The following RTL4 variants were observed in gnomAD, a reference collection of about 807,000 sequenced individuals.
RTL4 encodes the protein retrotransposon Gag like 4, also known as retrotransposon Gag-like protein 4.
In RTL4, 4 loss-of-function variants were observed where a neutral mutation model predicts 5.3. The observed-to-expected ratio is 0.75, with a 90% CI of 0.37 to 1.72. The LOEUF (loss-of-function observed/expected upper bound fraction) is 1.72, where lower values mean the gene tolerates loss of function less well. RTL4 is among the 40% of genes most tolerant of loss of function. The probability of loss-of-function intolerance (pLI) is 0.04; values close to 1 mark genes in which losing one functional copy is unlikely to be tolerated. For synonymous variants in RTL4, 98 were observed against 87.3 expected (o/e 1.12, Z -0.68); for missense variants, 260 against 227.1 (o/e 1.14, Z -0.93).
chrX:112,133,551 T>C, the RTL4 span, among the ~76,000 whole-genome samples: 10 of 111,415 alleles, frequency 9.0e-5, no homozygotes, highest in Non-Finnish European at 1.9e-4. Flanking sequence ...TCCATGCAGT[T>C]TGAAAACAGT....
the RTL4 span, among the ~76,000 whole-genome samples, chrX:112,314,226 G>A: frequency 9.0e-6 from 1 of 111,721 alleles, no homozygotes; most frequent in Non-Finnish European, 1.9e-5. Flanking sequence ...AAAACCCACC[G>A]TTCAGCACAT....
At chrX:112,276,263 T>C in the RTL4 span, among the ~76,000 whole-genome samples, 5,982 of 111,572 alleles carry the variant, frequency 0.054, 385 homozygotes, top group African/African-American at 0.19. Flanking sequence ...GAACAAGAGA[T>C]TGATGTTGAA....
the RTL4 span, among the ~76,000 whole-genome samples, chrX:112,208,594 G>A: frequency 8.9e-6 from 1 of 112,054 alleles, no homozygotes; most frequent in Non-Finnish European, 1.9e-5. Flanking sequence ...AATTAAGCTG[G>A]CATTCTAATC....
chrX:112,214,296 A>G, the RTL4 span, among the ~76,000 whole-genome samples: 3 of 111,927 alleles, frequency 2.7e-5, no homozygotes, highest in South Asian at 3.7e-4. Flanking sequence ...TATTTTTCTT[A>G]GCACAATGTT....
At chrX:112,451,437 T>C (rs1926733477), upstream of RTL4, among the ~76,000 whole-genome samples, 1 of 111,047 alleles carries the variant, frequency 9.0e-6, no homozygotes, top group East Asian at 2.8e-4. Flanking sequence ...AGATCGAGGC[T>C]GCAATGAACT....
chrX:112,223,555 T>A, the RTL4 span, among the ~76,000 whole-genome samples: 146 of 112,108 alleles, frequency 1.3e-3, no homozygotes, highest in African/African-American at 4.4e-3. Context: ...TCTAGGTCAC[T>A]AAGGAGGCCA....
the RTL4 span, among the ~76,000 whole-genome samples, chrX:112,337,985 C>T: frequency 2.7e-5 from 3 of 111,953 alleles, no homozygotes; most frequent in African/African-American, 9.7e-5. Flanking sequence ...CACTTCTTCA[C>T]TGTCTTTTTA....
At chrX:112,219,329 T>C in the RTL4 span, among the ~76,000 whole-genome samples, 1 of 112,234 alleles carries the variant, frequency 8.9e-6, no homozygotes, top group African/African-American at 3.2e-5. Flanking sequence ...TGCCATGCAT[T>C]GAAGTTCACA....
chrX:112,111,013 G>A, the RTL4 span, among the ~76,000 whole-genome samples: 1 of 111,992 alleles, frequency 8.9e-6, no homozygotes, highest in Non-Finnish European at 1.9e-5. Context: ...GGTGGTATTG[G>A]AGTGTTACAG....
At chrX:112,262,945 C>CA in the RTL4 span, among the ~76,000 whole-genome samples, 24,620 of 104,728 alleles carry the variant, frequency 0.24, 2,728 homozygotes, top group African/African-American at 0.42. Flanking sequence ...ATCGCAAGGA[C>CA]AAACACCAAA....
the RTL4 span, among the ~76,000 whole-genome samples, chrX:112,392,641 G>A: frequency 8.1e-5 from 9 of 111,002 alleles, no homozygotes; most frequent in Admixed American, 5.7e-4. Context: ...TGGTCACCTC[G>A]AACACTTCAA....
chrX:112,231,240 T>G, the RTL4 span, among the ~76,000 whole-genome samples: 3 of 110,965 alleles, frequency 2.7e-5, no homozygotes, highest in East Asian at 2.8e-4. Flanking sequence ...ACCCAAAGGA[T>G]TATAAATCAT....
chrX:112,148,660 G>A, the RTL4 span, among the ~76,000 whole-genome samples: 2 of 111,489 alleles, frequency 1.8e-5, no homozygotes, highest in Admixed American at 9.5e-5. Context: ...TTTTGACCTG[G>A]GTTTGAAACC....
chrX:112,083,451 C>G, the RTL4 span, among the ~76,000 whole-genome samples: 1 of 112,069 alleles, frequency 8.9e-6, no homozygotes, highest in African/African-American at 3.2e-5. Context: ...GACAGCGGAG[C>G]GCTGAGTCGC....
At chrX:112,392,354 G>A in the RTL4 span, among the ~76,000 whole-genome samples, 1,107 of 111,556 alleles carry the variant, frequency 9.9e-3, 14 homozygotes, top group African/African-American at 0.034. Flanking sequence ...TATGCTGGGG[G>A]CCCACTCTTT....
the RTL4 span, among the ~76,000 whole-genome samples, chrX:112,199,275 CGAGG>C: frequency 1.1e-5 from 1 of 88,398 alleles, no homozygotes; most frequent in Non-Finnish European, 2.1e-5. Flanking sequence ...GGCGACGGAG[CGAGG>C]CTCCGTCTCA....
chrX:112,277,525 A>G, the RTL4 span, among the ~76,000 whole-genome samples: 2 of 112,083 alleles, frequency 1.8e-5, no homozygotes, highest in Non-Finnish European at 3.8e-5. Context: ...AGAAAGATGA[A>G]TTTTAGACAG....
the RTL4 span, among the ~76,000 whole-genome samples, chrX:112,338,898 C>T: frequency 8.9e-6 from 1 of 111,881 alleles, no homozygotes; most frequent in Admixed American, 9.5e-5. Flanking sequence ...AAGAAAATAA[C>T]TCCTTCTTTC....
the RTL4 span, among the ~76,000 whole-genome samples, chrX:112,087,841 C>T: frequency 5.4e-5 from 6 of 111,493 alleles, no homozygotes. Flanking sequence ...ATAGCAGTAG[C>T]TCACTAACTG....
Sources: allele counts gnomAD v4.1 joint callset (sites outside exome capture counted in the v4.1 genomes callset), GRCh38; gene constraint gnomAD v4.1.1; transcripts MANE v1.5; gene names NCBI Gene and HGNC (gene_info 2026-07-23, HGNC 2026-07-21).